TNS3: variants seen among roughly 807,000 people sequenced by gnomAD.
TNS3 encodes the protein tensin 3.
Under a neutral mutation model 140.9 loss-of-function variants are expected in TNS3, and 45 were observed. The observed-to-expected ratio is 0.32, with a 90% CI of 0.25 to 0.41. TNS3 has a LOEUF of 0.41. TNS3 is among the 10% of genes least tolerant of loss of function. The pLI is 1.00. For missense variants in TNS3, 1,716 were observed against 1,906.7 expected (o/e 0.90, Z 1.86); for synonymous variants, 815 against 788.4 (o/e 1.03, Z -0.56).
intron 16 of TNS3, among the ~76,000 whole-genome samples, chr7:47,381,884 C>A (rs1467316539): frequency 1.3e-5 from 2 of 152,152 alleles, no homozygotes; most frequent in Non-Finnish European, 1.5e-5. Flanking sequence ...GTGATCACTG[C>A]AATAAAGGCA....
chr7:47,556,914 AAGGGC>A, intron 1 of TNS3: 1 of 419,404 alleles, frequency 2.4e-6, no homozygotes, highest in Non-Finnish European at 4.8e-6. Flanking sequence ...TGCTGGGCAG[AAGGGC>A]AGGTTGCAGC....
chr7:47,580,970 C>A (rs10229262), intron 1 of TNS3, among the ~76,000 whole-genome samples: 42,863 of 151,954 alleles, frequency 0.28, 7,574 homozygotes, highest in East Asian at 0.53. Context: ...TGTGTGAATG[C>A]GCCCCAAGGA....
intron 13 of TNS3, among the ~76,000 whole-genome samples, chr7:47,408,899 G>A (rs1008481679): frequency 4.6e-5 from 7 of 151,910 alleles, no homozygotes; most frequent in Non-Finnish European, 7.4e-5. Context: ...CTCCCACCCC[G>A]TCTCATCAAG....
intron 3 of TNS3, among the ~76,000 whole-genome samples, chr7:47,501,251 G>T (rs1798214122): frequency 6.6e-6 from 1 of 151,966 alleles, no homozygotes; most frequent in Non-Finnish European, 1.5e-5. Context: ...AATTTATTAG[G>T]CCTTGTTACT....
rs140459741 is a variant in TNS3, at chr7:47,385,768, G to C, written c.1024+11032C>G. ...AAAGCACCCATAGTGCCCATCACTC[G>C]GTGGCTCCCCCGCCGCTTTTCCTTC... On this transcript the variant is annotated intron_variant, in intron 16 of 30. Transcript: ENST00000311160. 1.8e-3 allele frequency among the ~76,000 whole-genome samples: 268 copies of C among 152,258 alleles called. 1 individual carries two copies. The highest frequency in any genetic ancestry group is 4.0e-4 in the Non-Finnish European group (27 of 68,010).
chr7:47,490,014 T>C (rs1183003691), intron 3 of TNS3, among the ~76,000 whole-genome samples: 8 of 152,210 alleles, frequency 5.3e-5, no homozygotes, highest in Non-Finnish European at 8.8e-5. Flanking sequence ...TGGTGATTGA[T>C]AAAATGCTAA....
chr7:47,363,356 CTAT>C (rs1188738774), intron 17 of TNS3, among the ~76,000 whole-genome samples: 3 of 151,432 alleles, frequency 2.0e-5, no homozygotes, highest in Non-Finnish European at 4.4e-5. Flanking sequence ...AGCAGCACCA[CTAT>C]TATTATTATG....
intron 1 of TNS3, among the ~76,000 whole-genome samples, chr7:47,578,127 A>G (rs1453489389): frequency 1.3e-5 from 2 of 152,056 alleles, no homozygotes; most frequent in East Asian, 1.9e-4. Context: ...AGCCTAGCCA[A>G]CAAGGTGAAA....
chr7:47,442,082 T>C (rs1795493546), intron 4 of TNS3, 27 bp from the exon 5 acceptor site: 8 of 1,254,630 alleles, frequency 6.4e-6, no homozygotes, highest in Non-Finnish European at 8.2e-6. Flanking sequence ...AAGGGTCATT[T>C]TGAAGTTTCC....
At chr7:47,457,652 CTA>C (rs1195781008) in intron 4 of TNS3, among the ~76,000 whole-genome samples, 4 of 152,228 alleles carry the variant, frequency 2.6e-5, no homozygotes, top group Non-Finnish European at 4.4e-5. Context: ...CTCCCTATTT[CTA>C]TAGAGCTCCA....
rs1023506180 is a variant in TNS3 at position 47,400,982 on chromosome 7, C to T, written c.724-68G>A. The T allele has an allele frequency of 7.5e-6, 12 of 1,599,080 alleles. No individual in the cohort carries two copies. The African/African-American group carries it at 1.5e-4, about 20-fold the overall frequency. On this transcript the variant is annotated intron_variant, in intron 13 of 30. Transcript: ENST00000311160. ...GGACACACGTTCCCGGCAAGGAACACACTCCGCGGAGGCCGGCACAGCAGG... is the reference window on the plus strand; with the variant it reads ...GGACACACGTTCCCGGCAAGGAACATACTCCGCGGAGGCCGGCACAGCAGG...
chr7:47,566,329 G>T (rs185257032), intron 1 of TNS3, among the ~76,000 whole-genome samples: 1 of 152,350 alleles, frequency 6.6e-6, no homozygotes, highest in East Asian at 1.9e-4. Context: ...CGTTTCCACT[G>T]CAGTTACAAT....
intron 1 of TNS3, among the ~76,000 whole-genome samples, chr7:47,564,892 T>C (rs1800397111): frequency 6.6e-6 from 1 of 151,910 alleles, no homozygotes; most frequent in African/African-American, 2.4e-5. Flanking sequence ...TCTCACAGCT[T>C]GGTCCACATT....
At chr7:47,318,024 G>A (rs920940477) in intron 20 of TNS3, among the ~76,000 whole-genome samples, 3 of 151,990 alleles carry the variant, frequency 2.0e-5, no homozygotes, top group Non-Finnish European at 2.9e-5. Flanking sequence ...TCACTTTTTC[G>A]TACACCAACT....
chr7:47,312,841 C>A (rs1159620692), intron 20 of TNS3, among the ~76,000 whole-genome samples: 1 of 152,002 alleles, frequency 6.6e-6, no homozygotes, highest in African/African-American at 2.4e-5. Flanking sequence ...GTGTAACCTG[C>A]ACGTTGTGCA....
rs563077194 is a variant in TNS3, at chr7:47,390,221, T to C, written c.1024+6579A>G. Among the ~76,000 whole-genome samples the C allele has an allele frequency of 1.4e-4, 21 of 152,310 alleles. No individual in the cohort carries two copies. The South Asian group carries it at 4.4e-3, about 32-fold the overall frequency. ...CCATCGGCCCCCTCCTCCACTAAAGTTGTCAAAGTTTACTTCAATTTCCAA... is the reference window on the plus strand; with the variant it reads ...CCATCGGCCCCCTCCTCCACTAAAGCTGTCAAAGTTTACTTCAATTTCCAA... On this transcript the variant is annotated intron_variant, in intron 16 of 30. Coordinates refer to ENST00000311160, the MANE Select transcript of TNS3 (RefSeq NM_022748.12).
intron 4 of TNS3, among the ~76,000 whole-genome samples, chr7:47,448,199 A>G (rs73328512): frequency 0.15 from 22,259 of 152,322 alleles, 2,007 homozygotes; most frequent in African/African-American, 0.25. Context: ...CCAGAAAGCC[A>G]GCAGCCTCCT....
At chr7:47,354,086 T>C (rs968894087) in intron 17 of TNS3, among the ~76,000 whole-genome samples, 2 of 151,878 alleles carry the variant, frequency 1.3e-5, no homozygotes, top group African/African-American at 4.8e-5. Flanking sequence ...TTGGGCAGTT[T>C]GAACAATGAA....
At chr7:47,284,420 T>C (rs761997835) in intron 27 of TNS3, among the ~76,000 whole-genome samples, 5 of 152,176 alleles carry the variant, frequency 3.3e-5, no homozygotes, top group Admixed American at 6.5e-5. Flanking sequence ...CTCACCTGTG[T>C]CCTGGCTCCC....
Sources: gnomAD v4.1 joint callset for allele counts (sites outside exome capture counted in the v4.1 genomes callset) on GRCh38, gnomAD v4.1.1 for gene constraint, MANE v1.5 for transcripts, NCBI Gene and HGNC (gene_info 2026-07-23, HGNC 2026-07-21) for gene names.